Variants in SLC4A4 observed in about 807,000 individuals in gnomAD.
SLC4A4 encodes electrogenic sodium bicarbonate cotransporter 1.
Under a neutral mutation model 111.5 loss-of-function variants are expected in SLC4A4, and 27 were observed. The observed-to-expected ratio is 0.24, with a 90% CI of 0.18 to 0.33. The LOEUF (loss-of-function observed/expected upper bound fraction) is 0.33. Ranked by LOEUF, SLC4A4 falls within the 10% of genes least tolerant of loss-of-function variation. The pLI, the probability that SLC4A4 is intolerant of heterozygous loss-of-function variation, is 1.00. For synonymous variants in SLC4A4, 443 were observed against 463.4 expected (o/e 0.96, Z 0.57); for missense variants, 909 against 1,315.5 (o/e 0.69, Z 4.78).
intron 6 of SLC4A4, among the ~76,000 whole-genome samples, chr4:71,393,671 A>G (rs1719524200): frequency 6.6e-6 from 1 of 152,060 alleles, no homozygotes; most frequent in Non-Finnish European, 1.5e-5. Flanking sequence ...AAATTCCAAA[A>G]TTCATATGGG....
At chr4:71,176,031 T>C (rs2148984804) in intron 2 of SLC4A4, among the ~76,000 whole-genome samples, 1 of 152,284 alleles carries the variant, frequency 6.6e-6, no homozygotes, top group South Asian at 2.1e-4. Flanking sequence ...ATATCCGCTG[T>C]TCTGTAGCTT....
chr4:71,270,999 A>G (rs1451428169), intron 3 of SLC4A4, among the ~76,000 whole-genome samples: 2 of 152,104 alleles, frequency 1.3e-5, no homozygotes, highest in Admixed American at 6.5e-5. Flanking sequence ...GATCCCTGCT[A>G]TAGCTTTTTG....
At chr4:71,450,326 A>G (rs1157189260) in intron 9 of SLC4A4, 63 bp from the exon 10 acceptor site, 7 of 1,142,162 alleles carry the variant, frequency 6.1e-6, no homozygotes, top group Admixed American at 1.7e-5. Flanking sequence ...TTCAGGCTTG[A>G]TATGGTGTGA....
intron 2 of SLC4A4, among the ~76,000 whole-genome samples, chr4:71,160,449 A>G (rs1045385189): frequency 2.6e-5 from 4 of 152,062 alleles, no homozygotes; most frequent in Admixed American, 2.6e-4. Context: ...ACATTGAGCT[A>G]TTCTCATGTG....
intron 1 of SLC4A4, among the ~76,000 whole-genome samples, chr4:71,088,097 G>C (rs1031836062): frequency 4.0e-5 from 6 of 151,854 alleles, no homozygotes; most frequent in African/African-American, 1.5e-4. Flanking sequence ...TCCTGTATTG[G>C]GTGCATATAT....
At chr4:71,147,072 A>G (rs1172422521) in intron 2 of SLC4A4, among the ~76,000 whole-genome samples, 2 of 152,176 alleles carry the variant, frequency 1.3e-5, no homozygotes, top group African/African-American at 2.4e-5. Flanking sequence ...AAACAAAAAA[A>G]GGCAGGGGTT....
intron 2 of SLC4A4, among the ~76,000 whole-genome samples, chr4:71,131,817 C>T (rs1230705188): frequency 2.6e-5 from 4 of 152,156 alleles, no homozygotes; most frequent in Admixed American, 6.5e-5. Flanking sequence ...TCTGGAGTCC[C>T]GAGCCCATGA....
At chr4:71,135,214 A>G (rs1182783990) in intron 2 of SLC4A4, among the ~76,000 whole-genome samples, 1 of 152,034 alleles carries the variant, frequency 6.6e-6, no homozygotes, top group African/African-American at 2.4e-5. Flanking sequence ...TTTGAACTGT[A>G]TATAGTGGAA....
At chr4:71,291,706 T>C (rs1014010948) in intron 3 of SLC4A4, among the ~76,000 whole-genome samples, 2 of 152,204 alleles carry the variant, frequency 1.3e-5, no homozygotes, top group Non-Finnish European at 2.9e-5. Context: ...CCCACACTCC[T>C]AGAATTGATG....
Position 71,557,907 on chromosome 4 carries a change from C to T in SLC4A4, c.2937+22C>T, listed in dbSNP as rs1453474. 1,475,451 of 1,590,950 alleles carry T rather than the reference C, an allele frequency of 0.93. 689,287 individuals carry two copies. Among genetic ancestry groups the T allele is most frequent in the Non-Finnish European group, 0.96 (1,114,974 of 1,160,002 alleles). ...AATGGTAGGGATTCCTTTAATTGAA[C>T]GTACCTGTGAGATTATATGAGTATC... On this transcript the variant is annotated intron_variant, in intron 22 of 25. Transcript: ENST00000264485.
chr4:71,380,929 C>T (rs1261446633), intron 6 of SLC4A4, among the ~76,000 whole-genome samples: 2 of 152,088 alleles, frequency 1.3e-5, no homozygotes, highest in African/African-American at 4.8e-5. Flanking sequence ...AAATGAAATG[C>T]CTGGTGTTTC....
At chr4:71,193,045 G>A (rs962095531) in intron 1 of SLC4A4, among the ~76,000 whole-genome samples, 4 of 152,196 alleles carry the variant, frequency 2.6e-5, no homozygotes, top group Non-Finnish European at 5.9e-5. Context: ...GCTACATAGT[G>A]TTCCACTTTA....
At chr4:71,528,407 A>G (rs1201635525) in intron 16 of SLC4A4, among the ~76,000 whole-genome samples, 1 of 152,112 alleles carries the variant, frequency 6.6e-6, no homozygotes, top group Non-Finnish European at 1.5e-5. Context: ...TGACAATTTT[A>G]TATTCTTTTG....
chr4:71,187,584 T>C (rs1745532274), intron 1 of SLC4A4, among the ~76,000 whole-genome samples, 183 bp downstream of exon 1: 1 of 152,032 alleles, frequency 6.6e-6, no homozygotes, highest in Non-Finnish European at 1.5e-5. Context: ...GGGCGGTGTG[T>C]GGAGGCTGCT....
At chr4:71,331,370 G>A (rs959134347) in intron 3 of SLC4A4, among the ~76,000 whole-genome samples, 14 of 152,106 alleles carry the variant, frequency 9.2e-5, no homozygotes, top group African/African-American at 2.4e-4. Context: ...AGAAAATGTG[G>A]CACATATACA....
intron 2 of SLC4A4, among the ~76,000 whole-genome samples, chr4:71,101,234 G>A (rs985846297): frequency 6.6e-6 from 1 of 152,038 alleles, no homozygotes; most frequent in Non-Finnish European, 1.5e-5. Context: ...ACTCCAGCCT[G>A]GGCAACAGTG....
chr4:71,456,007 T>C (rs563639971), intron 12 of SLC4A4, among the ~76,000 whole-genome samples: 63 of 152,294 alleles, frequency 4.1e-4, no homozygotes, highest in African/African-American at 1.5e-3. Flanking sequence ...TTCTAAAGAT[T>C]TCAAGAGGAA....
At chr4:71,470,693 G>C (rs940887995) in intron 13 of SLC4A4, among the ~76,000 whole-genome samples, 3 of 152,010 alleles carry the variant, frequency 2.0e-5, no homozygotes, top group African/African-American at 7.2e-5. Flanking sequence ...TTATTATAAA[G>C]AGTTGGCTCA....
At chr4:71,379,525 G>A (rs1411672395) in intron 6 of SLC4A4, among the ~76,000 whole-genome samples, 1 of 151,792 alleles carries the variant, frequency 6.6e-6, no homozygotes, top group Non-Finnish European at 1.5e-5. Context: ...CCATCGCACT[G>A]CACAAATAAC....
Sources: allele counts gnomAD v4.1 joint callset (sites outside exome capture counted in the v4.1 genomes callset), GRCh38; gene constraint gnomAD v4.1.1; transcripts MANE v1.5; gene names NCBI Gene and HGNC (gene_info 2026-07-23, HGNC 2026-07-21).